The following PDS5B variants were observed in gnomAD, a reference collection of about 807,000 sequenced individuals.
PDS5B encodes the protein sister chromatid cohesion protein PDS5 homolog B.
PDS5B carries 51 observed loss-of-function variants against 184.1 expected under a neutral mutation model. The observed-to-expected ratio is 0.28, with a 90% CI of 0.22 to 0.35. The LOEUF (loss-of-function observed/expected upper bound fraction) is 0.35. PDS5B is among the 10% of genes least tolerant of loss of function. The pLI, the probability that PDS5B is intolerant of heterozygous loss-of-function variation, is 1.00. For missense variants in PDS5B, 1,180 were observed against 1,723.3 expected (o/e 0.68, Z 5.58); for synonymous variants, 566 against 569.2 (o/e 0.99, Z 0.08).
chr13:32,763,268 CA>C (rs1033719224), intron 30 of PDS5B, among the ~76,000 whole-genome samples: 1 of 151,994 alleles, frequency 6.6e-6, no homozygotes, highest in African/African-American at 2.4e-5. Flanking sequence ...GGGAGTCTAG[CA>C]ATCTCATTTG....
At chr13:32,748,242 C>T (rs1375586864) in intron 24 of PDS5B, among the ~76,000 whole-genome samples, 1 of 152,158 alleles carries the variant, frequency 6.6e-6, no homozygotes, top group African/African-American at 2.4e-5. Context: ...AATAATCTAT[C>T]TTTGTCTCTC....
chr13:32,610,722 C>A (rs1041200816), intron 1 of PDS5B, among the ~76,000 whole-genome samples: 1 of 151,898 alleles, frequency 6.6e-6, no homozygotes, highest in East Asian at 1.9e-4. Context: ...CCTGGCTCTC[C>A]CCTTACTAGT....
Position 32,688,513 on chromosome 13 carries a change from A to G in PDS5B, c.1413A>G (p.Thr471=). The G allele has an allele frequency of 1.2e-6, 2 of 1,610,564 alleles. No homozygotes were observed. The highest frequency in any genetic ancestry group is 8.5e-7 in the Non-Finnish European group (1 of 1,177,006). The change falls in exon 13 of 35, where the codon ACA becomes ACG. Residue 471 remains threonine, a synonymous_variant. Transcript: ENST00000315596. ...TGGTTCCTCACAATTTAGAAACTAC[A>G]GAACGGATGAAATGCTTATATTACT... is the stretch of plus-strand genomic sequence containing the variant. ...QYMVPHNLET[T]ERMKCLYYLY... is the part of the protein sequence containing the mutation.
At chr13:32,706,323 T>TAAAA (rs1317679507) in intron 17 of PDS5B, among the ~76,000 whole-genome samples, 8 of 147,598 alleles carry the variant, frequency 5.4e-5, no homozygotes, top group Middle Eastern at 7.0e-3. Context: ...AATAAATAAA[T>TAAAA]AAAATAACAT....
intron 31 of PDS5B, among the ~76,000 whole-genome samples, chr13:32,768,105 A>G (rs1476308188): frequency 6.6e-6 from 1 of 152,364 alleles, no homozygotes; most frequent in East Asian, 1.9e-4. Flanking sequence ...AGTCAGCTCA[A>G]GCTGCCATTA....
At chr13:32,714,562 G>A (rs186548912) in intron 19 of PDS5B, among the ~76,000 whole-genome samples, 5 of 152,242 alleles carry the variant, frequency 3.3e-5, no homozygotes, top group African/African-American at 9.6e-5. Context: ...ACCTGGGGGG[G>A]CTGTTTATAA....
Position 32,722,567 on chromosome 13 carries a change from TTACTC to T in PDS5B, c.2124-9531_2124-9527del, listed in dbSNP as rs201062364. Among the ~76,000 whole-genome samples the T allele has an allele frequency of 8.3e-3, 1,261 of 152,314 alleles. 18 individuals carry two copies. The highest frequency in any genetic ancestry group is 0.029 in the African/African-American group (1,189 of 41,570). ...CTATACCATCTAGGTTTATGTAAGT[TTACTC>T]TATGATGTTCTCACAACAATGAAAT... On this transcript the variant is annotated intron_variant, in intron 19 of 34. Coordinates refer to ENST00000315596, the MANE Select transcript of PDS5B (RefSeq NM_015032.4).
At position 32,752,321 on chromosome 13, in the gene PDS5B, G is replaced by A. The variant is rs953051838; in HGVS notation, c.2737-1011G>A. Among the ~76,000 whole-genome samples the A allele has an allele frequency of 9.2e-5, 14 of 152,060 alleles. 1 individual carries two copies. The highest frequency in any genetic ancestry group is 4.1e-4 in the South Asian group (2 of 4,824). On this transcript the variant is annotated intron_variant, in intron 24 of 34. Coordinates refer to ENST00000315596, the MANE Select transcript of PDS5B (RefSeq NM_015032.4). ...TAGGTATCTATATATAGAAAAACGC[G>A]TAATATATATAGGATTTGGTACTAT...
intron 11 of PDS5B, 96 bp downstream of exon 11, chr13:32,684,119 T>A (rs921769021): frequency 5.5e-6 from 3 of 547,786 alleles, no homozygotes; most frequent in Non-Finnish European, 8.6e-6. Flanking sequence ...TATTTAAATA[T>A]AATTAGCCTT....
Position 32,699,758 on chromosome 13 carries a change from G to C in PDS5B, c.1629G>C (p.Gln543His). 6.4e-7 allele frequency: 1 copy of C among 1,556,076 alleles called. No individual in the cohort carries two copies. The highest frequency in any genetic ancestry group is 8.7e-7 in the Non-Finnish European group (1 of 1,156,060). The change falls in exon 16 of 35, where the codon CAG becomes CAC. Residue 543 changes from glutamine (Q) to histidine (H), a missense_variant. Gln to His is a conservative substitution (Grantham distance 24, BLOSUM62 0). Coordinates refer to ENST00000315596, the MANE Select transcript of PDS5B (RefSeq NM_015032.4). ...TRNLPDPGKA[Q>H]DFMKKFTQVL... ...ATTTACCTGATCCTGGTAAGGCTCA[G>C]GATTTCATGAAGAAATTCACACAGG...
At chr13:32,671,063 A>G (rs191141570) in intron 7 of PDS5B, among the ~76,000 whole-genome samples, 1 of 152,314 alleles carries the variant, frequency 6.6e-6, no homozygotes, top group South Asian at 2.1e-4. Context: ...ATCTACCTCC[A>G]CTAAATTTTC....
chr13:32,699,805 T>G lies in PDS5B; in HGVS notation c.1676T>G (p.Ile559Arg). 6.3e-7 allele frequency: 1 copy of G among 1,583,152 alleles called. No homozygotes were observed. Among genetic ancestry groups the G allele is most frequent in the Non-Finnish European group, 8.6e-7 (1 of 1,167,238 alleles). ...CAGGTGTTAGAAGATGATGAGAAAA[T>G]AAGAAAGCAGTTAGAAGTACTTGTT... Reference protein sequence around the residue: ...FTQVLEDDEKIRKQLEVLVSP... With the variant: ...FTQVLEDDEKRRKQLEVLVSP... Residue 559 changes from isoleucine (I) to arginine (R), a missense_variant, in exon 16 of 35, where the codon ATA becomes AGA. Around this residue, in one of 11 missense-constraint regions of PDS5B, gnomAD observed 475 missense variants for 691.5 expected, o/e 0.69. Transcript: ENST00000315596.
At chr13:32,632,357 C>A (rs1461281244) in intron 1 of PDS5B, among the ~76,000 whole-genome samples, 1 of 152,084 alleles carries the variant, frequency 6.6e-6, no homozygotes, top group Non-Finnish European at 1.5e-5. Context: ...GAGCAATGAT[C>A]TTGAATAGAC....
chr13:32,687,281 G>A lies in PDS5B; in HGVS notation c.1351G>A (p.Asp451Asn). Residue 451 changes from aspartate to asparagine, a missense_variant, in exon 12 of 35, where the codon GAT becomes AAT. Coordinates refer to ENST00000315596, the MANE Select transcript of PDS5B (RefSeq NM_015032.4). Reference sequence around the variant, plus strand: ...TATATATTATCAAAATAGTATTGATGATCGGTAAGTTAAGGACACTATAAA... The same window carrying A: ...TATATATTATCAAAATAGTATTGATAATCGGTAAGTTAAGGACACTATAAA... The part of the protein sequence containing the change: ...LHIYYQNSID[D>N]RLLVERIFAQ... The A allele has an allele frequency of 6.4e-7, 1 of 1,572,104 alleles. No individual in the cohort carries two copies. Among genetic ancestry groups the A allele is most frequent in the Non-Finnish European group, 8.6e-7 (1 of 1,161,142 alleles).
rs748171927 is a variant in PDS5B, at chr13:32,775,601, G to T, written c.*549G>T. 4.4e-6 allele frequency: 2 copies of T among 454,782 alleles called. No homozygotes were observed. The highest frequency in any genetic ancestry group is 6.5e-4 in the Middle Eastern group (2 of 3,058). The allele number at this position is 454,782 out of a possible 1,614,324, so 28.2% of individuals were successfully genotyped here. On this transcript the variant is annotated 3_prime_UTR_variant, in exon 35 of 35. Transcript: ENST00000315596. ...TATCTTACCTAGTGTTTACTCCTGG[G>T]CACCCTTAATCTTCAGAGGTGCTAA...
At chr13:32,710,923 T>G (rs916986142) in intron 19 of PDS5B, among the ~76,000 whole-genome samples, 1 of 152,210 alleles carries the variant, frequency 6.6e-6, no homozygotes, top group Non-Finnish European at 1.5e-5. Context: ...TGTTATTCCT[T>G]TCTGTTCATG....
intron 10 of PDS5B, among the ~76,000 whole-genome samples, chr13:32,679,886 T>TGAGTGA (rs1566318895): frequency 3.9e-5 from 2 of 51,918 alleles, no homozygotes; most frequent in African/African-American, 3.2e-4. Flanking sequence ...CGTCTGTGAG[T>TGAGTGA]GTGTGTGTGT....
chr13:32,691,090 A>G (rs968828822), intron 13 of PDS5B: 1 of 113,438 alleles, frequency 8.8e-6, no homozygotes, highest in Non-Finnish European at 1.8e-5. Flanking sequence ...TCTATTACCC[A>G]ACTTGTAAAC....
intron 10 of PDS5B, among the ~76,000 whole-genome samples, chr13:32,683,651 C>T (rs1053138169): frequency 1.3e-5 from 2 of 152,168 alleles, no homozygotes; most frequent in Non-Finnish European, 2.9e-5. Flanking sequence ...AGTTATCAAT[C>T]TACCAAATGG....
Sources: gnomAD v4.1 joint callset for allele counts (sites outside exome capture counted in the v4.1 genomes callset) on GRCh38, gnomAD v4.1.1 for gene constraint, gnomAD v4.1.1 regional missense constraint, MANE v1.5 for transcripts, NCBI Gene and HGNC (gene_info 2026-07-23, HGNC 2026-07-21) for gene names.